COP1: variants seen among roughly 807,000 people sequenced by gnomAD.
COP1 encodes the protein E3 ubiquitin-protein ligase COP1.
COP1 carries 24 observed loss-of-function variants against 101.3 expected under a neutral mutation model. The observed-to-expected ratio is 0.24, with a 90% CI of 0.17 to 0.33. The LOEUF is 0.33. Ranked by LOEUF, COP1 falls within the 10% of genes least tolerant of loss-of-function variation. The pLI is 1.00. For synonymous variants in COP1, 347 were observed against 341.9 expected, an observed-to-expected ratio of 1.01 and a Z score of -0.17; for missense variants, 663 against 906.2, an observed-to-expected ratio of 0.73 and a Z score of 3.45.
chr1:175,979,213 T>G (rs1004709507), intron 18 of COP1, among the ~76,000 whole-genome samples: 5 of 152,246 alleles, frequency 3.3e-5, no homozygotes, highest in Middle Eastern at 6.8e-3. Context: ...TATGTATTCA[T>G]GGGTCTAAAA....
At chr1:176,039,495 A>G (rs1670150378) in intron 14 of COP1, among the ~76,000 whole-genome samples, 1 of 152,126 alleles carries the variant, frequency 6.6e-6, no homozygotes, top group Admixed American at 6.5e-5. Context: ...AAAATCAATG[A>G]AACAAAAGTT....
chr1:176,036,432 T>C (rs1298701682), intron 14 of COP1, among the ~76,000 whole-genome samples: 2 of 145,142 alleles, frequency 1.4e-5, no homozygotes, highest in African/African-American at 5.2e-5. Flanking sequence ...GGACACAAAA[T>C]ACCAATTATC....
intron 15 of COP1, among the ~76,000 whole-genome samples, chr1:176,024,582 T>C (rs532184404): frequency 6.6e-6 from 1 of 152,356 alleles, no homozygotes; most frequent in East Asian, 1.9e-4. Context: ...AAAAAGTTTT[T>C]CATACTTTTA....
At chr1:176,124,072 T>C (rs1360846525) in intron 8 of COP1, among the ~76,000 whole-genome samples, 1 of 152,198 alleles carries the variant, frequency 6.6e-6, no homozygotes, top group Non-Finnish European at 1.5e-5. Flanking sequence ...AATGAACTTT[T>C]ATCATCATCA....
At chr1:176,032,813 A>G (rs1183661105) in intron 14 of COP1, among the ~76,000 whole-genome samples, 2 of 152,166 alleles carry the variant, frequency 1.3e-5, no homozygotes, top group African/African-American at 2.4e-5. Context: ...CTACACAAGC[A>G]TAAGAACACT....
At chr1:176,056,649 C>T (rs1008982146) in intron 11 of COP1, among the ~76,000 whole-genome samples, 1 of 152,112 alleles carries the variant, frequency 6.6e-6, no homozygotes, top group African/African-American at 2.4e-5. Context: ...ATGTTATAAT[C>T]TACTATAAAA....
intron 8 of COP1, among the ~76,000 whole-genome samples, chr1:176,133,134 AC>A (rs1689170356): frequency 1.4e-5 from 2 of 139,226 alleles, no homozygotes; most frequent in Non-Finnish European, 3.2e-5. Context: ...ATATACCCAT[AC>A]ACATACGTAT....
At chr1:176,124,865 C>A (rs745325441) in intron 8 of COP1, among the ~76,000 whole-genome samples, 1 of 152,140 alleles carries the variant, frequency 6.6e-6, no homozygotes, top group African/African-American at 2.4e-5. Flanking sequence ...AGTGGTTGTA[C>A]TAAATTACAT....
chr1:176,100,008 C>G (rs1683109705), intron 9 of COP1, among the ~76,000 whole-genome samples: 1 of 152,202 alleles, frequency 6.6e-6, no homozygotes, highest in African/African-American at 2.4e-5. Context: ...ATTAATCTTG[C>G]TGCACTTTAA....
At chr1:176,070,364 A>T (rs184214006) in intron 11 of COP1, among the ~76,000 whole-genome samples, 7,223 of 139,308 alleles carry the variant, frequency 0.052, 257 homozygotes, top group Middle Eastern at 0.12. Flanking sequence ...TTTTTTTTTT[A>T]AATTAAAAAC....
chr1:175,950,838 C>T (rs1340728807), intron 18 of COP1, among the ~76,000 whole-genome samples: 1 of 152,192 alleles, frequency 6.6e-6, no homozygotes, highest in East Asian at 1.9e-4. Flanking sequence ...TGATACTACA[C>T]TAACTTATAC....
intron 3 of COP1, among the ~76,000 whole-genome samples, chr1:176,170,253 A>T (rs1297437402): frequency 6.6e-6 from 1 of 152,212 alleles, no homozygotes; most frequent in African/African-American, 2.4e-5. Context: ...CCCATGAAAC[A>T]TGAGTGTTCT....
intron 18 of COP1, among the ~76,000 whole-genome samples, chr1:175,951,065 G>C (rs2148489127): frequency 6.6e-6 from 1 of 152,052 alleles, no homozygotes; most frequent in Non-Finnish European, 1.5e-5. Flanking sequence ...GACCAACATG[G>C]AGAAACCCCA....
At chr1:175,988,832 C>CA (rs375033166) in intron 16 of COP1, 191 of 142,960 alleles carry the variant, frequency 1.3e-3, no homozygotes, top group Middle Eastern at 3.4e-3. Flanking sequence ...GACTCTGTGC[C>CA]AAAAAAAAAA....
At chr1:176,086,267 C>T (rs1488982822) in intron 9 of COP1, among the ~76,000 whole-genome samples, 1 of 149,598 alleles carries the variant, frequency 6.7e-6, no homozygotes, top group Admixed American at 6.7e-5. Flanking sequence ...ACTCTGTCGC[C>T]CAGGCTGGAG....
At chr1:175,968,942 A>C (rs980980836) in intron 18 of COP1, among the ~76,000 whole-genome samples, 1 of 152,220 alleles carries the variant, frequency 6.6e-6, no homozygotes, top group Admixed American at 6.5e-5. Flanking sequence ...CTTGAGAAAA[A>C]TGTGCTTACA....
Position 175,965,862 on chromosome 1 carries a change from G to A in COP1, c.2134-18623C>T, listed in dbSNP as rs537245195. 4.4e-4 allele frequency among the ~76,000 whole-genome samples: 67 copies of A among 152,186 alleles called. 1 individual carries two copies. The highest frequency in any genetic ancestry group is 1.6e-3 in the African/African-American group (66 of 41,540). The stretch of plus-strand genomic sequence containing the variant: ...CTCCTAAAGTGTTGGGATTACAAGC[G>A]TGAGCCACCGCACCCAGCCACTTAT... On this transcript the variant is annotated intron_variant, in intron 18 of 19. Transcript: ENST00000367669.
intron 13 of COP1, 93 bp downstream of exon 13, chr1:176,043,617 T>C (rs951205331): frequency 2.6e-6 from 2 of 780,364 alleles, no homozygotes; most frequent in African/African-American, 3.5e-5. Context: ...AATAGTGACT[T>C]CAAATCTGTA....
intron 18 of COP1, among the ~76,000 whole-genome samples, chr1:175,980,437 TAGAG>T (rs1242584911): frequency 2.0e-5 from 3 of 150,244 alleles, no homozygotes; most frequent in South Asian, 2.1e-4. Context: ...TGTTAGAAAT[TAGAG>T]AGAATAAAAT....
Sources: gnomAD v4.1 joint callset for allele counts (sites outside exome capture counted in the v4.1 genomes callset) on GRCh38, gnomAD v4.1.1 for gene constraint, MANE v1.5 for transcripts, NCBI Gene and HGNC (gene_info 2026-07-23, HGNC 2026-07-21) for gene names.